CLIP1: variants seen among roughly 807,000 people sequenced by gnomAD.
CLIP1 encodes CAP-Gly domain-containing linker protein 1.
A neutral mutation model predicts 161.6 loss-of-function variants in CLIP1; 66 were observed. The ratio of observed to expected loss-of-function variants is 0.41; its 90% CI spans 0.33 to 0.50. The LOEUF (loss-of-function observed/expected upper bound fraction) is 0.50, where lower values mean the gene tolerates loss of function less well. Among genes scored for constraint, CLIP1 ranks in the 20% least tolerant of loss-of-function variants. The pLI is 0.27. For missense variants in CLIP1, 1,376 were observed against 1,702.0 expected, an observed-to-expected ratio of 0.81 and a Z score of 3.37; for synonymous variants, 598 against 626.2, an observed-to-expected ratio of 0.96 and a Z score of 0.67.
chr12:122,345,486 A>G (rs1239855165), intron 10 of CLIP1, among the ~76,000 whole-genome samples: 2 of 152,010 alleles, frequency 1.3e-5, no homozygotes, highest in East Asian at 3.9e-4. Context: ...TTCTTACCAA[A>G]TACACAGGAG....
intron 17 of CLIP1, among the ~76,000 whole-genome samples, chr12:122,320,142 C>T (rs990109744): frequency 2.0e-5 from 3 of 151,668 alleles, no homozygotes; most frequent in Non-Finnish European, 2.9e-5. Flanking sequence ...GCCGTGGTGG[C>T]GGGTGCCTGT....
At position 122,311,162 on chromosome 12, in the gene CLIP1, A is replaced by G. The variant is rs1057481898; in HGVS notation, c.3474-1280T>C. Among the ~76,000 whole-genome samples, 6 of 152,168 alleles carry G rather than the reference A, an allele frequency of 3.9e-5. No homozygotes were observed. Among genetic ancestry groups the G allele is most frequent in the African/African-American group, 1.4e-4 (6 of 41,432 alleles). On this transcript the variant is annotated intron_variant, in intron 19 of 25. Coordinates refer to ENST00000620786, the MANE Select transcript of CLIP1 (RefSeq NM_001247997.2). This position sits in a 1 kb window ranked among gnomAD's most constrained non-coding sequence, Gnocchi z 4.3. The stretch of plus-strand genomic sequence containing the variant: ...TATCACAGTGAAAGTTCATCTGTCC[A>G]AAGTCCATCAATCTTTGACAAATCA...
chr12:122,336,901 G>A (rs1180948491), intron 11 of CLIP1, among the ~76,000 whole-genome samples, 153 bp from the exon 12 acceptor site: 2 of 150,784 alleles, frequency 1.3e-5, no homozygotes, highest in African/African-American at 4.9e-5. Flanking sequence ...TTAATTCTAA[G>A]AAGTCAATGA....
chr12:122,393,835 C>G (rs1342164821), intron 1 of CLIP1, among the ~76,000 whole-genome samples: 1 of 134,532 alleles, frequency 7.4e-6, no homozygotes, highest in African/African-American at 2.7e-5. Flanking sequence ...TCACTTGAAC[C>G]TGGGAGGCAG....
At chr12:122,389,779 A>AAAAAAAAAAAAAAAAAAAT in intron 1 of CLIP1, among the ~76,000 whole-genome samples, 1 of 131,028 alleles carries the variant, frequency 7.6e-6, no homozygotes, top group South Asian at 2.4e-4. Flanking sequence ...AAAAAAAAAA[A>AAAAAAAAAAAAAAAAAAAT]AAAAGAATTT....
intron 1 of CLIP1, among the ~76,000 whole-genome samples, chr12:122,419,111 C>G (rs912859510): frequency 6.6e-6 from 1 of 152,188 alleles, no homozygotes; most frequent in African/African-American, 2.4e-5. Flanking sequence ...TGGCTCACAC[C>G]TGTAATCCCA....
chr12:122,292,559 T>A (rs886704219), intron 20 of CLIP1, among the ~76,000 whole-genome samples: 1 of 152,180 alleles, frequency 6.6e-6, no homozygotes, highest in Non-Finnish European at 1.5e-5. Flanking sequence ...CATTTCTCTA[T>A]GCACTTCTGA....
intron 5 of CLIP1, among the ~76,000 whole-genome samples, chr12:122,357,637 G>T (rs1953510284): frequency 1.3e-5 from 2 of 148,426 alleles, no homozygotes; most frequent in African/African-American, 2.5e-5. Context: ...CCCCTACTGG[G>T]AAGTGAGGAG....
rs751748767 is a variant in CLIP1 at position 122,341,397 on chromosome 12, C to T, written c.1807G>A (p.Glu603Lys). ...TATEKLSKEN[E>K]SLKSKLEHAN... Reference sequence around the variant, plus strand: ...TGCTCCAGCTTGCTTTTCAATGACTCGTTCTCTTTGGAAAGCTTTTCCGTG... The same window carrying T: ...TGCTCCAGCTTGCTTTTCAATGACTTGTTCTCTTTGGAAAGCTTTTCCGTG... The change falls in exon 11 of 26, where the codon GAG becomes AAG. Residue 603 changes from glutamate to lysine, a missense_variant. By Grantham distance (56) the Glu-to-Lys change is moderately conservative (BLOSUM62 1). Around this residue, in one of 6 missense-constraint regions of CLIP1, gnomAD observed 948 missense variants for 1,134.8 expected, o/e 0.84. Coordinates refer to ENST00000620786, the MANE Select transcript of CLIP1 (RefSeq NM_001247997.2). The T allele has an allele frequency of 9.3e-6, 15 of 1,614,118 alleles. No homozygotes were observed. Among genetic ancestry groups the T allele is most frequent in the Admixed American group, 1.7e-5 (1 of 59,994 alleles).
intron 10 of CLIP1, among the ~76,000 whole-genome samples, chr12:122,345,684 A>C (rs1278769505): frequency 6.6e-6 from 1 of 152,208 alleles, no homozygotes; most frequent in African/African-American, 2.4e-5. Flanking sequence ...TAATTTTTGG[A>C]ATTCTAAAGT....
At chr12:122,415,188 A>G (rs1956695882) in intron 1 of CLIP1, among the ~76,000 whole-genome samples, 1 of 152,184 alleles carries the variant, frequency 6.6e-6, no homozygotes, top group African/African-American at 2.4e-5. Flanking sequence ...TTTCCAATTA[A>G]GATTGAAAAG....
intron 24 of CLIP1, chr12:122,276,548 A>G (rs1955438025): frequency 7.5e-6 from 9 of 1,193,754 alleles, no homozygotes; most frequent in Non-Finnish European, 9.9e-6. Context: ...TAGACATACA[A>G]AGAGGACAAT....
At chr12:122,281,774 A>T (rs2340231) in intron 21 of CLIP1, among the ~76,000 whole-genome samples, 1 of 124,014 alleles carries the variant, frequency 8.1e-6, no homozygotes, top group African/African-American at 3.5e-5. Context: ...TGATTCTGTT[A>T]AAAAAAAAAT....
At chr12:122,320,467 C>T (rs566123395) in intron 17 of CLIP1, among the ~76,000 whole-genome samples, 14 of 151,732 alleles carry the variant, frequency 9.2e-5, no homozygotes, top group African/African-American at 3.1e-4. Flanking sequence ...ACAGGCCAGG[C>T]GCAGTGGCTC....
intron 3 of CLIP1, chr12:122,365,673 TA>T: frequency 1.7e-6 from 1 of 582,312 alleles, no homozygotes; most frequent in Non-Finnish European, 2.9e-6. Context: ...ACCTCTGGGC[TA>T]TTTAAAAAAA....
chr12:122,319,364 C>T lies in CLIP1; in HGVS notation c.3250-16G>A, dbSNP rs1193303219. The T allele has an allele frequency of 6.3e-7, 1 of 1,591,734 alleles. No homozygotes were observed. The highest frequency in any genetic ancestry group is 8.6e-7 in the Non-Finnish European group (1 of 1,159,822). ...TTTGAGCAGCCTAAATACAAGGAAA[C>T]ACTGTGAGAAATGAGGACAGCCCTC... On this transcript the variant is annotated splice_polypyrimidine_tract_variant and intron_variant, in intron 17 of 25. Coordinates refer to ENST00000620786, the MANE Select transcript of CLIP1 (RefSeq NM_001247997.2).
At chr12:122,354,212 T>C (rs972443587) in intron 7 of CLIP1, among the ~76,000 whole-genome samples, 9 of 151,804 alleles carry the variant, frequency 5.9e-5, no homozygotes, top group African/African-American at 2.2e-4. Context: ...CTAGGCAACA[T>C]GGTGAAACTC....
intron 11 of CLIP1, among the ~76,000 whole-genome samples, 174 bp from the exon 12 acceptor site, chr12:122,336,922 A>T (rs1011277122): frequency 1.3e-5 from 2 of 151,878 alleles, no homozygotes; most frequent in Non-Finnish European, 2.9e-5. Context: ...CTTTTCAAAC[A>T]ATCAGTTCTA....
At position 122,360,961 on chromosome 12, in the gene CLIP1, G is replaced by A. The variant is rs776899112; in HGVS notation, c.1003C>T (p.Leu335=). 2.8e-5 allele frequency: 45 copies of A among 1,611,004 alleles called. No individual in the cohort carries two copies. The highest frequency in any genetic ancestry group is 3.4e-6 in the Non-Finnish European group (4 of 1,179,438). The change falls in exon 5 of 26, where the codon CTA becomes TTA. Residue 335 remains leucine, a splice_region_variant and synonymous_variant. Transcript: ENST00000620786. ...AGGTAGTGAGAAAGGGGCCTTACTAGTCCTGTCCGACTGGGCCTGCTGCTC... is the reference window on the plus strand; with the variant it reads ...AGGTAGTGAGAAAGGGGCCTTACTAATCCTGTCCGACTGGGCCTGCTGCTC... ...SVSSRPSRTG[L]LTETSSRYAR...
Sources: allele counts gnomAD v4.1 joint callset (sites outside exome capture counted in the v4.1 genomes callset), GRCh38; gene constraint gnomAD v4.1.1; regional missense constraint gnomAD v4.1.1; non-coding constraint Gnocchi (gnomAD v3.1); transcripts MANE v1.5; gene names NCBI Gene and HGNC (gene_info 2026-07-23, HGNC 2026-07-21).